ANXA8: variants seen among roughly 807,000 people sequenced by gnomAD.
ANXA8 encodes annexin A8, also known as VAC-beta.
In ANXA8, 9 loss-of-function variants were observed where a neutral mutation model predicts 26.8. That is an observed-to-expected ratio of 0.34 (90% CI 0.20 to 0.59). The LOEUF is 0.59. ANXA8 is among the 20% of genes least tolerant of loss of function. The pLI is 0.84. For synonymous variants in ANXA8, 39 were observed against 94.8 expected (o/e 0.41, Z 3.42); for missense variants, 83 against 238.5 (o/e 0.35, Z 4.29).
the ANXA8 span, among the ~76,000 whole-genome samples, chr10:47,693,113 G>C: frequency 6.6e-6 from 1 of 151,652 alleles, no homozygotes; most frequent in Non-Finnish European, 1.5e-5. Context: ...TGGTGTATTA[G>C]AGCAGGAGGA....
At chr10:47,581,024 C>A in the ANXA8 span, among the ~76,000 whole-genome samples, 5 of 150,164 alleles carry the variant, frequency 3.3e-5, no homozygotes, top group South Asian at 2.1e-4. Flanking sequence ...TTCAGTGAGG[C>A]GAGATCACGC....
At chr10:47,686,179 C>G in the ANXA8 span, among the ~76,000 whole-genome samples, 8 of 150,708 alleles carry the variant, frequency 5.3e-5, no homozygotes, top group African/African-American at 1.2e-4. Context: ...CTTCTCTCTT[C>G]TAGAGATGCT....
the ANXA8 span, among the ~76,000 whole-genome samples, chr10:47,575,198 C>CA: frequency 0.055 from 5,931 of 107,034 alleles, 117 homozygotes; most frequent in African/African-American, 0.19. Flanking sequence ...GAGTGAAACT[C>CA]AAAAAAAAAA....
At chr10:47,988,926 A>G in the ANXA8 span, among the ~76,000 whole-genome samples, 1 of 151,838 alleles carries the variant, frequency 6.6e-6, no homozygotes, top group African/African-American at 2.4e-5. Context: ...CGGTGTCCAC[A>G]CACACGATAT....
the ANXA8 span, among the ~76,000 whole-genome samples, chr10:47,980,280 C>T: frequency 1.3e-5 from 2 of 151,576 alleles, no homozygotes; most frequent in Admixed American, 6.6e-5. Flanking sequence ...CAAAGCAATA[C>T]TTAGGGAGAC....
chr10:47,556,474 A>G, the ANXA8 span, among the ~76,000 whole-genome samples: 5 of 151,978 alleles, frequency 3.3e-5, no homozygotes, highest in Admixed American at 3.3e-4. Flanking sequence ...TGAAAGTGCA[A>G]CTAAGTTTAC....
At chr10:47,742,817 C>A in the ANXA8 span, among the ~76,000 whole-genome samples, 1 of 131,368 alleles carries the variant, frequency 7.6e-6, no homozygotes, top group Non-Finnish European at 1.6e-5. Flanking sequence ...GATTAGATGA[C>A]CCAGTATTTT....
the ANXA8 span, among the ~76,000 whole-genome samples, chr10:47,685,876 C>A: frequency 1.7e-3 from 248 of 148,810 alleles, 3 homozygotes; most frequent in African/African-American, 5.8e-3. Context: ...TGAAAGGTTG[C>A]AGAACATTTA....
At chr10:47,685,429 T>C in the ANXA8 span, among the ~76,000 whole-genome samples, 9 of 151,728 alleles carry the variant, frequency 5.9e-5, no homozygotes, top group Non-Finnish European at 1.2e-4. Flanking sequence ...AGATATTTCT[T>C]GCCCTGGGAG....
chr10:47,575,073 A>C, the ANXA8 span, among the ~76,000 whole-genome samples: 1 of 135,004 alleles, frequency 7.4e-6, no homozygotes, highest in Non-Finnish European at 1.6e-5. Context: ...CTAAGCAGGC[A>C]CATGCCTGTA....
At chr10:47,655,960 C>T in the ANXA8 span, among the ~76,000 whole-genome samples, 3 of 152,108 alleles carry the variant, frequency 2.0e-5, no homozygotes, top group East Asian at 1.9e-4. Flanking sequence ...GTGGAAGTTT[C>T]GGTGAGCCGA....
chr10:47,589,472 C>G, the ANXA8 span: 2 of 146,226 alleles, frequency 1.4e-5, no homozygotes, highest in South Asian at 2.1e-4. Flanking sequence ...TTTTCCAGCT[C>G]CCTTTGGCCT....
chr10:47,502,242 A>T, the ANXA8 span: 1 of 1,591,238 alleles, frequency 6.3e-7, no homozygotes, highest in Non-Finnish European at 8.5e-7. Flanking sequence ...GGCAGGCCAG[A>T]TGGAGTGCCG....
At chr10:47,686,253 G>C in the ANXA8 span, among the ~76,000 whole-genome samples, 2 of 138,114 alleles carry the variant, frequency 1.4e-5, no homozygotes, top group East Asian at 4.4e-4. Flanking sequence ...TTTTGAGACA[G>C]AGTCACCCAG....
chr10:47,658,238 C>T, the ANXA8 span, among the ~76,000 whole-genome samples: 89 of 151,706 alleles, frequency 5.9e-4, 2 homozygotes, highest in African/African-American at 1.8e-3. Flanking sequence ...CATGGTGGCA[C>T]GCACCTGTAG....
At chr10:47,556,910 T>C in the ANXA8 span, among the ~76,000 whole-genome samples, 1 of 149,564 alleles carries the variant, frequency 6.7e-6, no homozygotes, top group African/African-American at 2.5e-5. Flanking sequence ...ATTTAGACAA[T>C]GAATTAAAAA....
At chr10:47,896,904 T>TTTTTTTTATTTATTTATTTATTTA in the ANXA8 span, among the ~76,000 whole-genome samples, 19 of 145,916 alleles carry the variant, frequency 1.3e-4, no homozygotes, top group African/African-American at 4.9e-4. Flanking sequence ...AATGAAGAGA[T>TTTTTTTTATTTATTTATTTATTTA]TTTATTTATT....
At chr10:47,940,462 A>G in the ANXA8 span, among the ~76,000 whole-genome samples, 1 of 147,376 alleles carries the variant, frequency 6.8e-6, no homozygotes, top group Non-Finnish European at 1.5e-5. Flanking sequence ...GCATGAAAAA[A>G]ATAGCTCTCC....
chr10:47,597,210 G>A, the ANXA8 span, among the ~76,000 whole-genome samples: 2 of 149,032 alleles, frequency 1.3e-5, no homozygotes, highest in Non-Finnish European at 2.9e-5. Flanking sequence ...AGTCCAACAT[G>A]CCTTCATAAT....
Sources: gnomAD v4.1 joint callset for allele counts (sites outside exome capture counted in the v4.1 genomes callset) on GRCh38, gnomAD v4.1.1 for gene constraint, MANE v1.5 for transcripts, NCBI Gene and HGNC (gene_info 2026-07-23, HGNC 2026-07-21) for gene names.